Variants in LTBP1 observed in about 807,000 individuals in gnomAD.
LTBP1 encodes latent transforming growth factor beta binding protein 1.
Under a neutral mutation model 207.6 loss-of-function variants are expected in LTBP1, and 129 were observed. The observed-to-expected ratio is 0.62, with a 90% CI of 0.54 to 0.72. The LOEUF (loss-of-function observed/expected upper bound fraction) is 0.72, where lower values mean the gene tolerates loss of function less well. LTBP1 is among the 30% of genes least tolerant of loss of function. The pLI is 0.00. For synonymous variants in LTBP1, 963 were observed against 833.7 expected (o/e 1.16, Z -2.67); for missense variants, 2,281 against 2,217.2 (o/e 1.03, Z -0.58).
At chr2:33,096,798 C>T (rs2079423123) in intron 3 of LTBP1, among the ~76,000 whole-genome samples, 1 of 152,162 alleles carries the variant, frequency 6.6e-6, no homozygotes, top group African/African-American at 2.4e-5. Flanking sequence ...TTAGTTCTAG[C>T]TACTCAGAAG....
At chr2:33,087,316 C>T (rs2078822848) in intron 3 of LTBP1, among the ~76,000 whole-genome samples, 1 of 152,070 alleles carries the variant, frequency 6.6e-6, no homozygotes, top group Non-Finnish European at 1.5e-5. Context: ...AATTCTTCTG[C>T]CTCCACCTCC....
At chr2:33,307,621 T>G (rs1022696808) in intron 22 of LTBP1, among the ~76,000 whole-genome samples, 1 of 152,240 alleles carries the variant, frequency 6.6e-6, no homozygotes, top group Non-Finnish European at 1.5e-5. Flanking sequence ...TGTATACATT[T>G]GTCAAAACTC....
At chr2:33,084,273 T>C (rs1331564570) in intron 3 of LTBP1, among the ~76,000 whole-genome samples, 1 of 152,238 alleles carries the variant, frequency 6.6e-6, no homozygotes, top group Non-Finnish European at 1.5e-5. Context: ...TTTTAAATTT[T>C]CAGCTGAGTC....
intron 5 of LTBP1, among the ~76,000 whole-genome samples, chr2:33,176,185 T>A (rs1257555270): frequency 6.6e-6 from 1 of 151,380 alleles, no homozygotes; most frequent in East Asian, 1.9e-4. Flanking sequence ...AGAAAATAAA[T>A]AAAAAGAAAT....
intron 32 of LTBP1, among the ~76,000 whole-genome samples, chr2:33,391,315 T>C (rs74609658): frequency 0.062 from 9,138 of 146,606 alleles, 319 homozygotes; most frequent in African/African-American, 0.1. Flanking sequence ...ACTCTTTCTT[T>C]TCATCCACAG....
chr2:32,987,025 A>G (rs1175844483), intron 2 of LTBP1, among the ~76,000 whole-genome samples: 2 of 152,098 alleles, frequency 1.3e-5, no homozygotes, highest in African/African-American at 2.4e-5. Context: ...GGCTAGCCCC[A>G]TGTAGCTCTT....
chr2:33,262,353 A>G (rs1410518268), intron 13 of LTBP1, among the ~76,000 whole-genome samples: 2 of 152,188 alleles, frequency 1.3e-5, no homozygotes, highest in Non-Finnish European at 2.9e-5. Context: ...GCCACATGTG[A>G]ATGAGGCAAT....
At chr2:33,244,884 C>CTATCTATT (rs2092457267) in intron 10 of LTBP1, among the ~76,000 whole-genome samples, 2 of 151,768 alleles carry the variant, frequency 1.3e-5, no homozygotes, top group South Asian at 4.1e-4. Context: ...ATCTATCTAT[C>CTATCTATT]TATTTATTTT....
At chr2:33,155,503 C>T (rs1224873649) in intron 5 of LTBP1, among the ~76,000 whole-genome samples, 1 of 152,184 alleles carries the variant, frequency 6.6e-6, no homozygotes, top group Non-Finnish European at 1.5e-5. Flanking sequence ...GTGTTATTCA[C>T]ATTTGGGTGG....
intron 5 of LTBP1, among the ~76,000 whole-genome samples, chr2:33,145,061 G>A (rs1247579685): frequency 1.3e-5 from 2 of 152,138 alleles, no homozygotes; most frequent in African/African-American, 2.4e-5. Context: ...AAAATAAGAA[G>A]AGTCAGATGC....
intron 26 of LTBP1, among the ~76,000 whole-genome samples, chr2:33,351,046 A>G (rs1025889851): frequency 6.6e-6 from 1 of 152,210 alleles, no homozygotes; most frequent in Non-Finnish European, 1.5e-5. Context: ...CAAAATCAGG[A>G]AGTATAAAGC....
chr2:33,257,815 G>C (rs2092905463), intron 12 of LTBP1, among the ~76,000 whole-genome samples: 1 of 152,202 alleles, frequency 6.6e-6, no homozygotes, highest in African/African-American at 2.4e-5. Flanking sequence ...TCAGGGAATA[G>C]CCCTAATTTC....
intron 4 of LTBP1, among the ~76,000 whole-genome samples, chr2:33,111,096 C>T (rs1176028346): frequency 6.6e-6 from 1 of 152,174 alleles, no homozygotes; most frequent in African/African-American, 2.4e-5. Flanking sequence ...AGTAAGCTAG[C>T]CAGGACTCAT....
At chr2:33,328,089 C>T (rs1326158765) in intron 24 of LTBP1, among the ~76,000 whole-genome samples, 1 of 149,690 alleles carries the variant, frequency 6.7e-6, no homozygotes, top group Non-Finnish European at 1.5e-5. Context: ...GAGCCGAGAT[C>T]ACGCCACTGC....
chr2:33,217,442 G>T, intron 7 of LTBP1, 110 bp from the exon 8 acceptor site: 3 of 603,098 alleles, frequency 5.0e-6, no homozygotes, highest in Non-Finnish European at 6.0e-6. Context: ...TTCTAATTGT[G>T]TCGATAACAA....
rs562098040 is a variant in LTBP1 at position 32,947,448 on chromosome 2, G to A, written c.124G>A (p.Ala42Thr). The A allele has an allele frequency of 2.7e-4, 389 of 1,443,622 alleles. 3 individuals are homozygous for A. The African/African-American group carries it at 5.1e-3, about 19-fold the overall frequency. The allele number at this position is 1,443,622 out of a possible 1,614,324, so 89.4% of individuals were successfully genotyped here. A position where few individuals can be genotyped will look rare whatever the true frequency, so the allele number is the denominator to read the frequency against. ...CCCGGGCCCCGGCCTGGCAGCCGGC[G>A]CCTTGCCCCTGAGCGGGCCCCCGCG... Reference protein sequence around the residue: ...VHPGPGLAAGALPLSGPPRSR... With the variant: ...VHPGPGLAAGTLPLSGPPRSR... The change falls in exon 1 of 34, where the codon GCC (alanine) becomes ACC (threonine). Residue 42 changes from alanine (A) to threonine (T), a missense_variant. Transcript: ENST00000404816.
intron 7 of LTBP1, among the ~76,000 whole-genome samples, chr2:33,213,022 G>T (rs1271315371): frequency 1.3e-5 from 2 of 152,148 alleles, no homozygotes; most frequent in Admixed American, 6.5e-5. Context: ...TCTGCACGTA[G>T]TCTCACCGTT....
At chr2:33,277,787 T>TTC (rs1200325594) in intron 18 of LTBP1, among the ~76,000 whole-genome samples, 3 of 81,274 alleles carry the variant, frequency 3.7e-5, no homozygotes, top group African/African-American at 1.3e-4. Flanking sequence ...CTTTCTTTCT[T>TTC]TCTTTCTTTC....
chr2:33,134,776 C>G lies in LTBP1; in HGVS notation c.1034-17C>G. The stretch of plus-strand genomic sequence containing the variant: ...TGATGTGTTTGTTGTTCTTTTTCTC[C>G]CTGCCTCCGCTCCTAGTGAGTAACC... On this transcript the variant is annotated splice_polypyrimidine_tract_variant and intron_variant, in intron 4 of 33. Coordinates refer to ENST00000404816, the MANE Select transcript of LTBP1 (RefSeq NM_206943.4). The surrounding 1 kb of genome is among the most constrained non-coding windows in gnomAD (Gnocchi z 4.4). The G allele has an allele frequency of 4.3e-6, 7 of 1,613,938 alleles. No individual in the cohort carries two copies. The highest frequency in any genetic ancestry group is 5.9e-6 in the Non-Finnish European group (7 of 1,180,004).
Sources: gnomAD v4.1 joint callset for allele counts (sites outside exome capture counted in the v4.1 genomes callset) on GRCh38, gnomAD v4.1.1 for gene constraint, Gnocchi (gnomAD v3.1) non-coding constraint, MANE v1.5 for transcripts, NCBI Gene and HGNC (gene_info 2026-07-23, HGNC 2026-07-21) for gene names.